The following MYCBP2 variants were observed in gnomAD, a reference collection of about 807,000 sequenced individuals.
MYCBP2 encodes the protein E3 ubiquitin-protein ligase MYCBP2.
Under a neutral mutation model 525.3 loss-of-function variants are expected in MYCBP2, and 120 were observed. The observed-to-expected ratio is 0.23, with a 90% CI of 0.20 to 0.27. The LOEUF is 0.27. Ranked by LOEUF, MYCBP2 falls within the 10% of genes least tolerant of loss-of-function variation. The pLI is 1.00. For missense variants in MYCBP2, 4,149 were observed against 5,657.1 expected (o/e 0.73, Z 8.55); for synonymous variants, 1,894 against 1,955.8 (o/e 0.97, Z 0.83).
Position 77,132,580 on chromosome 13 carries a change from T to C in MYCBP2, c.7660-6038A>G, listed in dbSNP as rs778032773. Among the ~76,000 whole-genome samples the C allele has an allele frequency of 5.3e-5, 8 of 152,178 alleles. 1 individual carries two copies. ...CTCAATTCTGTAAGAATTCAGATTA[T>C]ATGGGAACTATAAAGATACCTCAGA... On this transcript the variant is annotated intron_variant, in intron 52 of 82. Transcript: ENST00000544440.
At chr13:77,183,551 T>C (rs866131037) in intron 32 of MYCBP2, among the ~76,000 whole-genome samples, 13 of 117,864 alleles carry the variant, frequency 1.1e-4, no homozygotes, top group Middle Eastern at 3.9e-3. Flanking sequence ...CTTTTTTTTT[T>C]TTTTTTTTTT....
At position 77,058,822 on chromosome 13, in the gene MYCBP2, T is replaced by C. The variant is rs2038691439; in HGVS notation, c.13141-416A>G. Reference sequence around the variant, plus strand: ...CAATATGGTGAAACCCCATCTCTACTAAAAATACAAAAATTAACCAGGCAT... The same window carrying C: ...CAATATGGTGAAACCCCATCTCTACCAAAAATACAAAAATTAACCAGGCAT... On this transcript the variant is annotated intron_variant, in intron 77 of 82. Coordinates refer to ENST00000544440, the MANE Select transcript of MYCBP2 (RefSeq NM_015057.5). The surrounding 1 kb of genome is among the most constrained non-coding windows in gnomAD (Gnocchi z 4.1). Among the ~76,000 whole-genome samples, 1 of 151,770 alleles carries C rather than the reference T, an allele frequency of 6.6e-6. No homozygotes were observed. The highest frequency in any genetic ancestry group is 1.5e-5 in the Non-Finnish European group (1 of 67,938).
intron 55 of MYCBP2, among the ~76,000 whole-genome samples, chr13:77,108,710 T>A (rs952100762): frequency 9.2e-5 from 14 of 151,720 alleles, no homozygotes; most frequent in East Asian, 3.9e-4. Flanking sequence ...ACTTTATTTT[T>A]TTTTTTTTTT....
In MYCBP2 at chr13:77,211,280, T is replaced by A; in HGVS notation, c.3303A>T (p.Lys1101Asn). 1 of 1,517,586 alleles carries A rather than the reference T, an allele frequency of 6.6e-7. No individual in the cohort carries two copies. The highest frequency in any genetic ancestry group is 8.9e-7 in the Non-Finnish European group (1 of 1,127,474). The allele number at this position is 1,517,586 out of a possible 1,614,324, so 94.0% of individuals were successfully genotyped here. A position where few individuals can be genotyped will look rare whatever the true frequency, so the allele number is the denominator to read the frequency against. ...PASISEPPPFKCLLINKVDGS... is the reference protein window; with the variant it reads ...PASISEPPPFNCLLINKVDGS... ...CATCCACTTTATTTATCAGAAGGCA[T>A]TTAAATGGAGGAGGTTCTGATATAG... Residue 1101 changes from lysine to asparagine, a missense_variant, in exon 23 of 83, where the codon AAA becomes AAT. By Grantham distance (94) the Lys-to-Asn change is moderately conservative. Transcript: ENST00000544440.
chr13:77,168,118 T>C (rs1272452328), intron 40 of MYCBP2, among the ~76,000 whole-genome samples: 1 of 152,208 alleles, frequency 6.6e-6, no homozygotes, highest in Admixed American at 6.5e-5. Flanking sequence ...CAATTTAAAA[T>C]TGTTAATGCT....
intron 27 of MYCBP2, among the ~76,000 whole-genome samples, chr13:77,193,742 A>G (rs539806026): frequency 2.0e-4 from 30 of 152,322 alleles, no homozygotes; most frequent in Non-Finnish European, 4.0e-4. Flanking sequence ...GCATGATGTC[A>G]GAGTACATGG....
chr13:77,084,993 T>G (rs1018251817), intron 62 of MYCBP2, among the ~76,000 whole-genome samples: 2 of 151,930 alleles, frequency 1.3e-5, no homozygotes, highest in African/African-American at 4.8e-5. Flanking sequence ...TCTCAAGGAT[T>G]ACAGCCCTGT....
intron 19 of MYCBP2, 75 bp from the exon 20 acceptor site, chr13:77,224,607 G>T: frequency 1.1e-6 from 1 of 881,158 alleles, no homozygotes; most frequent in Middle Eastern, 2.3e-4. Context: ...ACTAAAAGCA[G>T]TGTAATTTTC....
At position 77,292,958 on chromosome 13, in the gene MYCBP2, CAAAAAAA is replaced by C. The variant is rs548135428; in HGVS notation, c.378+3634_378+3640del. Among the ~76,000 whole-genome samples, 77 of 61,312 alleles carry C rather than the reference CAAAAAAA, an allele frequency of 1.3e-3. No homozygotes were observed. The East Asian group carries it at 0.034, about 27-fold the overall frequency. The allele number at this position is 61,312 out of a possible 152,430, so 40.2% of individuals were successfully genotyped here. On this transcript the variant is annotated intron_variant, in intron 2 of 82. Coordinates refer to ENST00000544440, the MANE Select transcript of MYCBP2 (RefSeq NM_015057.5). ...TGGGAGACAGAGCAAGACTCCGTCT[CAAAAAAA>C]AAAAAAAAAAAAGAAAGAAAAAAAA...
intron 4 of MYCBP2, among the ~76,000 whole-genome samples, chr13:77,274,401 G>GA (rs1353094823): frequency 1.3e-5 from 2 of 152,096 alleles, no homozygotes; most frequent in South Asian, 4.1e-4. Context: ...ACGGAGACTT[G>GA]AAAATCCTTA....
At chr13:77,148,559 C>G (rs1831699316) in intron 47 of MYCBP2, among the ~76,000 whole-genome samples, 1 of 152,070 alleles carries the variant, frequency 6.6e-6, no homozygotes, top group Admixed American at 6.6e-5. Context: ...ACTGTCCTCT[C>G]TTTAGCTACC....
At chr13:77,106,866 C>T (rs2047936959) in intron 55 of MYCBP2, among the ~76,000 whole-genome samples, 1 of 152,032 alleles carries the variant, frequency 6.6e-6, no homozygotes, top group Non-Finnish European at 1.5e-5. Flanking sequence ...CAAGCATTAC[C>T]TGACAGTTCT....
Position 77,166,472 on chromosome 13 carries a change from C to A in MYCBP2, c.6197G>T (p.Arg2066Leu). ...AACAGTTCTGACAGGAATCAACAAA[C>A]GAAGGACATCTTCTGACTGTGCAGT... ...CGTAQSEDVL[R>L]LLIPVRTVQN... The change falls in exon 41 of 83, where the codon CGT becomes CTT. Residue 2066 changes from arginine (R) to leucine (L), a missense_variant. Around this residue, in one of 21 missense-constraint regions of MYCBP2, gnomAD observed 692 missense variants for 852.7 expected, o/e 0.81. Transcript: ENST00000544440. The A allele has an allele frequency of 6.2e-7, 1 of 1,613,932 alleles. No individual in the cohort carries two copies. Among genetic ancestry groups the A allele is most frequent in the Non-Finnish European group, 8.5e-7 (1 of 1,179,886 alleles).
At chr13:77,157,012 A>AT (rs1320397845) in intron 45 of MYCBP2, among the ~76,000 whole-genome samples, 1 of 152,058 alleles carries the variant, frequency 6.6e-6, no homozygotes, top group Non-Finnish European at 1.5e-5. Flanking sequence ...AGGCCAGCAT[A>AT]TTTTTTTCCC....
intron 36 of MYCBP2, among the ~76,000 whole-genome samples, chr13:77,176,060 GA>G (rs1364896169): frequency 9.0e-5 from 13 of 145,146 alleles, no homozygotes; most frequent in African/African-American, 3.3e-4. Context: ...AATAAGAGAA[GA>G]AAAGACAGGA....
chr13:77,180,070 CTG>C, intron 34 of MYCBP2, 55 bp downstream of exon 34: 1 of 1,372,228 alleles, frequency 7.3e-7, no homozygotes, highest in Non-Finnish European at 9.9e-7. Context: ...AAAAAAGAAA[CTG>C]TGTAAAAAAC....
At chr13:77,062,479 A>G in intron 74 of MYCBP2, 117 bp downstream of exon 74, 1 of 821,988 alleles carries the variant, frequency 1.2e-6, no homozygotes, top group Non-Finnish European at 1.9e-6. Context: ...CAATCTTTCA[A>G]GAGATCCACT....
intron 58 of MYCBP2, among the ~76,000 whole-genome samples, 155 bp from the exon 59 acceptor site, chr13:77,093,487 G>T (rs2045758436): frequency 6.6e-6 from 1 of 152,118 alleles, no homozygotes; most frequent in East Asian, 1.9e-4. Context: ...GAAAATAAAA[G>T]TCTGATAATT....
At chr13:77,168,310 A>T (rs2058752757) in intron 40 of MYCBP2, 118 bp downstream of exon 40, 1 of 756,848 alleles carries the variant, frequency 1.3e-6, no homozygotes, top group Non-Finnish European at 2.1e-6. Flanking sequence ...GATTCTCTAT[A>T]TGTAAATACT....
Sources: allele counts gnomAD v4.1 joint callset (sites outside exome capture counted in the v4.1 genomes callset), GRCh38; gene constraint gnomAD v4.1.1; regional missense constraint gnomAD v4.1.1; non-coding constraint Gnocchi (gnomAD v3.1); transcripts MANE v1.5; gene names NCBI Gene and HGNC (gene_info 2026-07-23, HGNC 2026-07-21).